DNAJC6: variants seen among roughly 807,000 people sequenced by gnomAD.
The protein encoded by DNAJC6 is auxilin.
A neutral mutation model predicts 110.0 loss-of-function variants in DNAJC6; 34 were observed. The ratio of observed to expected loss-of-function variants is 0.31; its 90% CI spans 0.24 to 0.41. The LOEUF (loss-of-function observed/expected upper bound fraction) is 0.41. Ranked by LOEUF, DNAJC6 falls within the 10% of genes least tolerant of loss-of-function variation. The pLI is 1.00. For missense variants in DNAJC6, 1,031 were observed against 1,207.8 expected (o/e 0.85, Z 2.17); for synonymous variants, 406 against 437.2 (o/e 0.93, Z 0.89).
chr1:65,406,096 G>A lies in DNAJC6; in HGVS notation c.2454G>A (p.Gly818=). Residue 818 remains glycine (G), a synonymous_variant, in exon 16 of 19, where the codon GGG becomes GGA. Transcript: ENST00000371069. ...ACGTGAGCTTCTCAGCCATGCCTGG[G>A]GGCCAGAACGAACGTGGGAAAGGAT... ...NYNVSFSAMP[G]GQNERGKGSS... is the part of the protein sequence containing the mutation. The A allele has an allele frequency of 6.2e-7, 1 of 1,614,180 alleles. No individual in the cohort carries two copies. Among genetic ancestry groups the A allele is most frequent in the South Asian group, 1.1e-5 (1 of 91,072 alleles).
intron 1 of DNAJC6, among the ~76,000 whole-genome samples, chr1:65,272,402 A>G (rs1016193761): frequency 2.6e-5 from 4 of 152,192 alleles, no homozygotes; most frequent in African/African-American, 4.8e-5. Flanking sequence ...CTTCGTTGTG[A>G]TATCTTTTTA....
intron 1 of DNAJC6, among the ~76,000 whole-genome samples, chr1:65,327,467 G>A (rs927177411): frequency 1.3e-5 from 2 of 152,140 alleles, no homozygotes; most frequent in African/African-American, 4.8e-5. Context: ...TTAGAGCAAG[G>A]TTGGTGGCTC....
intron 1 of DNAJC6, among the ~76,000 whole-genome samples, chr1:65,324,325 C>T (rs1220662337): frequency 2.6e-5 from 4 of 151,996 alleles, no homozygotes; most frequent in African/African-American, 4.8e-5. Flanking sequence ...TGCAGGTGCA[C>T]GCCACTGTGC....
At chr1:65,409,940 G>GA (rs901282419) in intron 17 of DNAJC6, among the ~76,000 whole-genome samples, 48 of 151,706 alleles carry the variant, frequency 3.2e-4, no homozygotes, top group African/African-American at 9.7e-4. Context: ...TTTCACAGCT[G>GA]AAAAAAAACC....
chr1:65,331,546 T>C (rs1645288474), intron 1 of DNAJC6, among the ~76,000 whole-genome samples: 1 of 152,224 alleles, frequency 6.6e-6, no homozygotes, highest in Admixed American at 6.5e-5. Context: ...GCCACCTGTT[T>C]ATCTTAGTGC....
intron 1 of DNAJC6, among the ~76,000 whole-genome samples, chr1:65,362,215 T>C (rs188647787): frequency 6.6e-6 from 1 of 152,312 alleles, no homozygotes; most frequent in East Asian, 1.9e-4. Context: ...TGTGCCTCAG[T>C]TTTCTGATCT....
Position 65,340,255 on chromosome 1 carries a change from G to A in DNAJC6, c.194-24380G>A, listed in dbSNP as rs574046303. Among the ~76,000 whole-genome samples, 6 of 152,318 alleles carry A rather than the reference G, an allele frequency of 3.9e-5. No individual in the cohort carries two copies. The East Asian group carries it at 1.2e-3, about 29-fold the overall frequency. On this transcript the variant is annotated intron_variant, in intron 1 of 18. Coordinates refer to ENST00000371069, the MANE Select transcript of DNAJC6 (RefSeq NM_001256864.2). ...TATGCAAGAGTGCTGAGAGACGAGG[G>A]ATGATGGCTCCACTGTTGTGCTGGC...
intron 17 of DNAJC6, among the ~76,000 whole-genome samples, chr1:65,409,282 C>T (rs1646105402): frequency 1.3e-5 from 2 of 152,162 alleles, no homozygotes; most frequent in Admixed American, 6.5e-5. Context: ...TTTCTGGTGG[C>T]CACTCTATTT....
intron 1 of DNAJC6, among the ~76,000 whole-genome samples, chr1:65,288,340 CA>C (rs1313437742): frequency 6.6e-6 from 1 of 152,074 alleles, no homozygotes; most frequent in African/African-American, 2.4e-5. Context: ...GAAAGAAAAG[CA>C]ATACAGAGAA....
At chr1:65,315,691 A>G (rs995616825) in intron 1 of DNAJC6, among the ~76,000 whole-genome samples, 1 of 152,224 alleles carries the variant, frequency 6.6e-6, no homozygotes, top group Non-Finnish European at 1.5e-5. Context: ...AACCCTCATA[A>G]GAATCCTATA....
chr1:65,301,508 C>T (rs894841077), intron 1 of DNAJC6, among the ~76,000 whole-genome samples: 1 of 152,150 alleles, frequency 6.6e-6, no homozygotes, highest in Admixed American at 6.5e-5. Context: ...AACTTCTGAT[C>T]GACCAGATTC....
At chr1:65,340,265 C>T (rs1457859861) in intron 1 of DNAJC6, among the ~76,000 whole-genome samples, 1 of 152,172 alleles carries the variant, frequency 6.6e-6, no homozygotes, top group African/African-American at 2.4e-5. Flanking sequence ...GATGATGGCT[C>T]CACTGTTGTG....
intron 1 of DNAJC6, among the ~76,000 whole-genome samples, chr1:65,277,664 G>T (rs866894612): frequency 1.3e-5 from 2 of 151,890 alleles, no homozygotes; most frequent in South Asian, 2.1e-4. Context: ...GGGAGGGGGT[G>T]AGCCAGTGGG....
At chr1:65,393,066 T>C (rs1266483197) in intron 12 of DNAJC6, among the ~76,000 whole-genome samples, 1 of 152,214 alleles carries the variant, frequency 6.6e-6, no homozygotes, top group African/African-American at 2.4e-5. Flanking sequence ...ACTAAGGTAG[T>C]GTAAGAGTGG....
chr1:65,362,985 G>A (rs915058031), intron 1 of DNAJC6, among the ~76,000 whole-genome samples: 2 of 152,194 alleles, frequency 1.3e-5, no homozygotes, highest in African/African-American at 4.8e-5. Context: ...TTGATTCACA[G>A]TTCCACATGG....
intron 2 of DNAJC6, among the ~76,000 whole-genome samples, chr1:65,365,286 C>T (rs1035345250): frequency 6.6e-5 from 10 of 152,132 alleles, no homozygotes; most frequent in Admixed American, 1.3e-4. Flanking sequence ...CCTACTCTTC[C>T]ACTGTATGAA....
chr1:65,279,030 A>C, intron 1 of DNAJC6: 2 of 985,344 alleles, frequency 2.0e-6, no homozygotes, highest in Non-Finnish European at 2.4e-6. Flanking sequence ...AAACCTGGAG[A>C]TACTTGTTTC....
At chr1:65,347,612 T>C (rs2484167) in intron 1 of DNAJC6, among the ~76,000 whole-genome samples, 3,054 of 152,200 alleles carry the variant, frequency 0.02, 89 homozygotes, top group African/African-American at 0.071. Context: ...AATGTTTATA[T>C]TTATATCTGA....
chr1:65,325,018 T>C (rs2101430110), intron 1 of DNAJC6, among the ~76,000 whole-genome samples: 2 of 152,336 alleles, frequency 1.3e-5, no homozygotes, highest in South Asian at 4.1e-4. Flanking sequence ...TACTTAGTGG[T>C]CGGCCCTATA....
Sources: allele counts gnomAD v4.1 joint callset (sites outside exome capture counted in the v4.1 genomes callset), GRCh38; gene constraint gnomAD v4.1.1; transcripts MANE v1.5; gene names NCBI Gene and HGNC (gene_info 2026-07-23, HGNC 2026-07-21).